CDH10: variants seen among roughly 807,000 people sequenced by gnomAD.
CDH10 encodes the protein cadherin-10.
Under a neutral mutation model 73.1 loss-of-function variants are expected in CDH10, and 30 were observed. That is an observed-to-expected ratio of 0.41 (90% CI 0.31 to 0.56). The LOEUF (loss-of-function observed/expected upper bound fraction) is 0.56. Among genes scored for constraint, CDH10 ranks in the 20% least tolerant of loss-of-function variants. The pLI, the probability that CDH10 is intolerant of heterozygous loss-of-function variation, is 0.27. For synonymous variants in CDH10, 345 were observed against 348.2 expected (o/e 0.99, Z 0.10); for missense variants, 815 against 973.7 (o/e 0.84, Z 2.17).
At chr5:24,559,579 A>T (rs1579807583) in intron 2 of CDH10, among the ~76,000 whole-genome samples, 1 of 152,150 alleles carries the variant, frequency 6.6e-6, no homozygotes, top group East Asian at 1.9e-4. Context: ...TCAACTGAAA[A>T]CATGGGAAAA....
At chr5:24,522,099 A>C (rs2111818992) in intron 5 of CDH10, among the ~76,000 whole-genome samples, 1 of 152,266 alleles carries the variant, frequency 6.6e-6, no homozygotes, top group African/African-American at 2.4e-5. Flanking sequence ...GTGCCACTGC[A>C]CTCCAGTGGG....
chr5:24,577,277 T>C (rs1745642920), intron 2 of CDH10, among the ~76,000 whole-genome samples: 1 of 152,090 alleles, frequency 6.6e-6, no homozygotes, highest in Non-Finnish European at 1.5e-5. Context: ...GTGACAAAAG[T>C]ACTAAAGTAA....
intron 9 of CDH10, among the ~76,000 whole-genome samples, chr5:24,493,764 A>G (rs1243775835): frequency 2.0e-5 from 3 of 152,028 alleles, no homozygotes; most frequent in African/African-American, 7.2e-5. Context: ...AAATATGTAC[A>G]CTGATGCCTA....
intron 3 of CDH10, among the ~76,000 whole-genome samples, chr5:24,536,610 C>T (rs970584322): frequency 2.6e-5 from 4 of 151,964 alleles, no homozygotes; most frequent in Non-Finnish European, 5.9e-5. Context: ...CATTGCCTGT[C>T]ATTCTATATC....
At chr5:24,569,273 A>C (rs918049751) in intron 2 of CDH10, among the ~76,000 whole-genome samples, 3 of 152,184 alleles carry the variant, frequency 2.0e-5, no homozygotes, top group African/African-American at 7.2e-5. Context: ...GTTATCGTTT[A>C]ATTTGTATCA....
At chr5:24,565,378 C>G (rs185258895) in intron 2 of CDH10, among the ~76,000 whole-genome samples, 3 of 152,202 alleles carry the variant, frequency 2.0e-5, no homozygotes, top group Admixed American at 6.5e-5. Context: ...GGAAACTGAA[C>G]TCTAACATAC....
chr5:24,537,559 C>G lies in CDH10; in HGVS notation c.347G>C (p.Arg116Pro), dbSNP rs754465931. ...EKTGDIHATR[R>P]IDREEKAFYT... Reference sequence around the variant, plus strand: ...AAAGGCCTTTTCCTCCCTATCAATTCGCCTTGTGGCATGAATATCACCTGT... The same window carrying G: ...AAAGGCCTTTTCCTCCCTATCAATTGGCCTTGTGGCATGAATATCACCTGT... The change falls in exon 3 of 12, where the codon CGA becomes CCA. Residue 116 changes from arginine to proline, a missense_variant. Transcript: ENST00000264463. The G allele has an allele frequency of 6.2e-7, 1 of 1,612,896 alleles. No individual in the cohort carries two copies. The highest frequency in any genetic ancestry group is 8.5e-7 in the Non-Finnish European group (1 of 1,179,248).
chr5:24,488,302 A>G, intron 11 of CDH10, 149 bp from the exon 12 acceptor site: 1 of 690,340 alleles, frequency 1.4e-6, no homozygotes, highest in Non-Finnish European at 2.4e-6. Context: ...AGTTTGGGGG[A>G]GGTGTCAGGG....
At chr5:24,503,777 A>G (rs1370175752) in intron 8 of CDH10, among the ~76,000 whole-genome samples, 2 of 152,182 alleles carry the variant, frequency 1.3e-5, no homozygotes, top group Admixed American at 6.5e-5. Flanking sequence ...TGAGGTTAAT[A>G]AAAATATTAG....
At chr5:24,538,846 G>A (rs906817240) in intron 2 of CDH10, among the ~76,000 whole-genome samples, 2 of 152,030 alleles carry the variant, frequency 1.3e-5, no homozygotes, top group Non-Finnish European at 2.9e-5. Flanking sequence ...GTAAAGCGTG[G>A]CCACAGGAAG....
chr5:24,488,613 A>T (rs1393428779), intron 11 of CDH10, among the ~76,000 whole-genome samples: 1 of 152,178 alleles, frequency 6.6e-6, no homozygotes, highest in Non-Finnish European at 1.5e-5. Flanking sequence ...GCAAAAAGCA[A>T]CATCATTCAC....
intron 7 of CDH10, among the ~76,000 whole-genome samples, chr5:24,505,858 G>A (rs943275849): frequency 2.6e-5 from 4 of 152,204 alleles, no homozygotes; most frequent in Non-Finnish European, 4.4e-5. Flanking sequence ...GCTCACGCCT[G>A]TAATCCCAGC....
At chr5:24,611,906 G>C (rs565543800) in intron 1 of CDH10, 1 of 152,268 alleles carries the variant, frequency 6.6e-6, no homozygotes, top group East Asian at 1.9e-4. Context: ...TAGCCATCAA[G>C]AAACTGAGGA....
intron 1 of CDH10, among the ~76,000 whole-genome samples, chr5:24,603,440 C>T (rs564095383): frequency 1.3e-5 from 2 of 152,174 alleles, no homozygotes; most frequent in South Asian, 4.2e-4. Context: ...CAAATCTTCA[C>T]CAAAATATTA....
intron 5 of CDH10, among the ~76,000 whole-genome samples, chr5:24,522,043 A>G (rs1468905499): frequency 2.6e-5 from 4 of 152,100 alleles, no homozygotes. Flanking sequence ...CTGAGACAGG[A>G]GAATCACTTG....
chr5:24,541,994 T>A (rs1231358877), intron 2 of CDH10, among the ~76,000 whole-genome samples: 1 of 152,148 alleles, frequency 6.6e-6, no homozygotes, highest in Non-Finnish European at 1.5e-5. Flanking sequence ...GTAATTTTAA[T>A]ATTTACAACT....
chr5:24,575,360 A>T (rs1388322149), intron 2 of CDH10, among the ~76,000 whole-genome samples: 136 of 149,600 alleles, frequency 9.1e-4, no homozygotes, highest in South Asian at 4.3e-3. Flanking sequence ...AACAACAAAA[A>T]AAAAAAAAAA....
chr5:24,620,117 A>G (rs1290243375), intron 1 of CDH10, among the ~76,000 whole-genome samples: 2 of 152,162 alleles, frequency 1.3e-5, no homozygotes, highest in East Asian at 3.9e-4. Context: ...TCTCTTTTTT[A>G]GTTCTACCTT....
At chr5:24,546,180 C>CG (rs1561154057) in intron 2 of CDH10, among the ~76,000 whole-genome samples, 3 of 150,056 alleles carry the variant, frequency 2.0e-5, no homozygotes, top group African/African-American at 7.6e-5. Flanking sequence ...CTTGAAAAAA[C>CG]TTGTGTGTGT....
Sources: allele counts gnomAD v4.1 joint callset (sites outside exome capture counted in the v4.1 genomes callset), GRCh38; gene constraint gnomAD v4.1.1; transcripts MANE v1.5; gene names NCBI Gene and HGNC (gene_info 2026-07-23, HGNC 2026-07-21).